The following CNTFR variants were observed in gnomAD, a reference collection of about 807,000 sequenced individuals.
The protein encoded by CNTFR is ciliary neurotrophic factor receptor.
CNTFR carries 12 observed loss-of-function variants against 40.4 expected under a neutral mutation model. The observed-to-expected ratio is 0.30, with a 90% confidence interval of 0.19 to 0.48. The LOEUF (loss-of-function observed/expected upper bound fraction) is 0.48, where lower values mean the gene tolerates loss of function less well. Among genes scored for constraint, CNTFR ranks in the 20% least tolerant of loss-of-function variants. The pLI, the probability that CNTFR is intolerant of heterozygous loss-of-function variation, is 0.99. For synonymous variants in CNTFR, 202 were observed against 209.6 expected (o/e 0.96, Z 0.31); for missense variants, 414 against 506.8 (o/e 0.82, Z 1.76).
At chr9:34,570,109 G>A (rs1826519918) in intron 2 of CNTFR, 2 of 152,166 alleles carry the variant, frequency 1.3e-5, no homozygotes, top group Non-Finnish European at 1.5e-5. Flanking sequence ...AAATACTGAG[G>A]GATGCTACCA....
Position 34,552,590 on chromosome 9 carries a change from G to A in CNTFR, c.949+84C>T, listed in dbSNP as rs1251360712. The A allele has an allele frequency of 4.3e-6, 6 of 1,403,644 alleles. No individual in the cohort carries two copies. Among genetic ancestry groups the A allele is most frequent in the South Asian group, 1.3e-5 (1 of 74,292 alleles). 86.9% of individuals were successfully genotyped at this position (1,403,644 alleles called of 1,614,324 possible). A position where few individuals can be genotyped will look rare whatever the true frequency, so the allele number is the denominator to read the frequency against. Reference sequence around the variant, plus strand: ...CTACCCCCGGGAGCAGAGGCTGGAGGCAGCAGGGTAGAACCAGGCCACAGG... The same window carrying A: ...CTACCCCCGGGAGCAGAGGCTGGAGACAGCAGGGTAGAACCAGGCCACAGG... On this transcript the variant is annotated intron_variant, in intron 8 of 9. Transcript: ENST00000378980. This position sits in a 1 kb window ranked among gnomAD's most constrained non-coding sequence, Gnocchi z 5.1.
chr9:34,584,717 A>G (rs911258779), intron 1 of CNTFR, among the ~76,000 whole-genome samples: 3 of 152,168 alleles, frequency 2.0e-5, no homozygotes, highest in Non-Finnish European at 4.4e-5. Context: ...GGACGTGTTC[A>G]CCACCACATA....
chr9:34,586,010 G>A (rs1034333750), intron 1 of CNTFR, among the ~76,000 whole-genome samples: 2 of 152,224 alleles, frequency 1.3e-5, no homozygotes, highest in Non-Finnish European at 2.9e-5. Flanking sequence ...CCTTCAGGAC[G>A]GGGAGCAGTT....
upstream of CNTFR, chr9:34,590,166 G>GCA (rs3840739): frequency 0.12 from 17,930 of 150,590 alleles, 1,149 homozygotes; most frequent in African/African-American, 0.15. Context: ...ACGCGCGCGC[G>GCA]CACACACACA....
At chr9:34,579,366 G>A (rs1043269145) in intron 2 of CNTFR, among the ~76,000 whole-genome samples, 1 of 152,038 alleles carries the variant, frequency 6.6e-6, no homozygotes, top group East Asian at 1.9e-4. Context: ...TGGCAGCGTT[G>A]GGCGTTTTAA....
At chr9:34,555,667 G>A (rs1825803854) in intron 7 of CNTFR, among the ~76,000 whole-genome samples, 1 of 152,054 alleles carries the variant, frequency 6.6e-6, no homozygotes, top group African/African-American at 2.4e-5. Flanking sequence ...TGACTTTGGA[G>A]TCCTGATGCC....
chr9:34,574,141 G>A (rs148778217), intron 2 of CNTFR, among the ~76,000 whole-genome samples: 1 of 151,936 alleles, frequency 6.6e-6, no homozygotes, highest in Non-Finnish European at 1.5e-5. Context: ...CTTGGGGGGT[G>A]GGGGGACCAG....
In CNTFR at chr9:34,568,937, G is replaced by T; in HGVS notation, c.45C>A (p.Ala15=). 5 of 1,601,832 alleles carry T rather than the reference G, an allele frequency of 3.1e-6. No homozygotes were observed. The highest frequency in any genetic ancestry group is 2.3e-5 in the East Asian group (1 of 44,186). The change falls in exon 3 of 10, where the codon GCC becomes GCA. Residue 15 remains alanine, a synonymous_variant. Transcript: ENST00000378980. The part of the protein sequence containing the change: ...VPWACCAVLA[A]AAAVVYAQRH... ...TCTGGGCGTAGACAACTGCGGCGGC[G>T]GCGGCAAGCACAGCACAGCAGGCCC...
chr9:34,555,111 C>T (rs1262065505), intron 7 of CNTFR, among the ~76,000 whole-genome samples: 4 of 152,348 alleles, frequency 2.6e-5, no homozygotes, highest in African/African-American at 4.8e-5. Flanking sequence ...TGCGCCGCGA[C>T]GCGCGGGGCT....
chr9:34,572,024 C>A (rs891371066), intron 2 of CNTFR, among the ~76,000 whole-genome samples: 2 of 152,016 alleles, frequency 1.3e-5, no homozygotes, highest in African/African-American at 4.8e-5. Context: ...TGCCCAGCTC[C>A]TCTAGCACAA....
chr9:34,584,009 G>C (rs1057157478), intron 1 of CNTFR, among the ~76,000 whole-genome samples: 1 of 152,326 alleles, frequency 6.6e-6, no homozygotes. Context: ...GGAGTCTTAA[G>C]CCCCTCATTG....
In CNTFR at chr9:34,557,023, C is replaced by G. The variant is rs1361166148; in HGVS notation, c.604+503G>C. Reference sequence around the variant, plus strand: ...GAGAAGACAGGGGCAGGCAGAAGGTCTGGCTGGGGCGGGGGAATAGCAGGC... The same window carrying G: ...GAGAAGACAGGGGCAGGCAGAAGGTGTGGCTGGGGCGGGGGAATAGCAGGC... On this transcript the variant is annotated intron_variant, in intron 6 of 9. Transcript: ENST00000378980. This position sits in a 1 kb window ranked among gnomAD's most constrained non-coding sequence, Gnocchi z 4.2. Among the ~76,000 whole-genome samples, 1 of 141,152 alleles carries G rather than the reference C, an allele frequency of 7.1e-6. No homozygotes were observed. The highest frequency in any genetic ancestry group is 1.5e-5 in the Non-Finnish European group (1 of 66,054). 92.6% of individuals were successfully genotyped at this position (141,152 alleles called of 152,430 possible). A position where few individuals can be genotyped will look rare whatever the true frequency, so the allele number is the denominator to read the frequency against.
intron 2 of CNTFR, among the ~76,000 whole-genome samples, chr9:34,575,700 C>A (rs1362346815): frequency 7.4e-6 from 1 of 134,780 alleles, no homozygotes; most frequent in Non-Finnish European, 1.6e-5. Context: ...CACACACACA[C>A]ACCCCGGGGG....
intron 4 of CNTFR, among the ~76,000 whole-genome samples, chr9:34,562,652 C>T (rs1160414040): frequency 2.0e-5 from 3 of 152,152 alleles, no homozygotes; most frequent in South Asian, 2.1e-4. Flanking sequence ...AATAAGGAGA[C>T]GACTTTTGGG....
At position 34,551,658 on chromosome 9, in the gene CNTFR, C is replaced by A. The variant is rs1052224604; in HGVS notation, c.*413G>T. 6.0e-6 allele frequency: 2 copies of A among 333,092 alleles called. No individual in the cohort carries two copies. The highest frequency in any genetic ancestry group is 5.6e-5 in the South Asian group (2 of 35,476). 20.6% of individuals were successfully genotyped at this position (333,092 alleles called of 1,614,324 possible). A position where few individuals can be genotyped will look rare whatever the true frequency, so the allele number is the denominator to read the frequency against. ...GCTGGGGGGAGGGGGATGGCTGGGC[C>A]CCCCCAGCATCAGGAGCTTATAATC... On this transcript the variant is annotated 3_prime_UTR_variant, in exon 10 of 10. Coordinates refer to ENST00000378980, the MANE Select transcript of CNTFR (RefSeq NM_147164.3).
chr9:34,570,449 G>A (rs1055190209), intron 2 of CNTFR, among the ~76,000 whole-genome samples: 1 of 152,214 alleles, frequency 6.6e-6, no homozygotes, highest in Non-Finnish European at 1.5e-5. Flanking sequence ...CGGCGACAAA[G>A]CCAGAGAGCT....
chr9:34,589,017 C>G lies in CNTFR; in HGVS notation c.-112+538G>C, dbSNP rs1462336006. ...CTACATGGAGATACATCCAGGCGGACTGAAGAGAAAACCATGGGGACGCCG... is the reference window on the plus strand; with the variant it reads ...CTACATGGAGATACATCCAGGCGGAGTGAAGAGAAAACCATGGGGACGCCG... On this transcript the variant is annotated intron_variant, in intron 1 of 9. Transcript: ENST00000378980. The surrounding 1 kb of genome is among the most constrained non-coding windows in gnomAD (Gnocchi z 4.4). Among the ~76,000 whole-genome samples, 1 of 152,182 alleles carries G rather than the reference C, an allele frequency of 6.6e-6. No homozygotes were observed.
At chr9:34,560,785 C>T (rs2132145187) in intron 4 of CNTFR, among the ~76,000 whole-genome samples, 1 of 152,328 alleles carries the variant, frequency 6.6e-6, no homozygotes, top group South Asian at 2.1e-4. Context: ...GCAGGGTGTC[C>T]CTGGGTCCCA....
At chr9:34,566,979 G>T (rs1319202171) in intron 3 of CNTFR, among the ~76,000 whole-genome samples, 1 of 152,196 alleles carries the variant, frequency 6.6e-6, no homozygotes, top group Non-Finnish European at 1.5e-5. Context: ...CAGTGGAGAG[G>T]TGGAGGGGTA....
Sources: allele counts gnomAD v4.1 joint callset (sites outside exome capture counted in the v4.1 genomes callset), GRCh38; gene constraint gnomAD v4.1.1; non-coding constraint Gnocchi (gnomAD v3.1); transcripts MANE v1.5; gene names NCBI Gene and HGNC (gene_info 2026-07-23, HGNC 2026-07-21).